Variants in ADAMTS20 observed in about 807,000 individuals in gnomAD.
ADAMTS20 encodes ADAM metallopeptidase with thrombospondin type 1 motif 20.
A neutral mutation model predicts 260.1 loss-of-function variants in ADAMTS20; 225 were observed. The observed-to-expected ratio is 0.87, with a 90% CI of 0.78 to 0.97. The LOEUF is 0.97. Among genes scored for constraint, ADAMTS20 ranks in the 50% least tolerant of loss-of-function variants. The probability of loss-of-function intolerance (pLI) is 0.00; values close to 1 mark genes in which losing one functional copy is unlikely to be tolerated. For synonymous variants in ADAMTS20, 802 were observed against 769.5 expected (o/e 1.04, Z -0.70); for missense variants, 2,400 against 2,337.7 (o/e 1.03, Z -0.55).
At chr12:43,461,780 G>A (rs1240975592) in intron 11 of ADAMTS20, among the ~76,000 whole-genome samples, 2 of 151,720 alleles carry the variant, frequency 1.3e-5, no homozygotes, top group African/African-American at 2.4e-5. Context: ...CACAGGAACC[G>A]AGAAAAAAAT....
intron 28 of ADAMTS20, among the ~76,000 whole-genome samples, chr12:43,424,720 A>T (rs1297076787): frequency 6.6e-6 from 1 of 152,070 alleles, no homozygotes; most frequent in Non-Finnish European, 1.5e-5. Context: ...TATAAACATA[A>T]ATAATATAAT....
At position 43,439,885 on chromosome 12, in the gene ADAMTS20, CTG is replaced by C; in HGVS notation, c.2463+10_2463+11del. The C allele has an allele frequency of 6.2e-7, 1 of 1,600,174 alleles. No homozygotes were observed. The highest frequency in any genetic ancestry group is 8.5e-7 in the Non-Finnish European group (1 of 1,172,536). On this transcript the variant is annotated intron_variant, in intron 17 of 38. Coordinates refer to ENST00000389420, the MANE Select transcript of ADAMTS20 (RefSeq NM_025003.5). ...TAAATCCAAGTGTTATTACTGATGA[CTG>C]AGAATTTACCTGCAAAATAAGTTCT...
chr12:43,437,161 A>T (rs935589342), intron 18 of ADAMTS20, among the ~76,000 whole-genome samples: 2 of 152,214 alleles, frequency 1.3e-5, no homozygotes, highest in Non-Finnish European at 2.9e-5. Flanking sequence ...AAACTTAAAG[A>T]CTATGATTAA....
Position 43,399,155 on chromosome 12 carries a change from T to G in ADAMTS20, c.4363A>C (p.Thr1455Pro). The G allele has an allele frequency of 6.4e-7, 1 of 1,566,282 alleles. No homozygotes were observed. The highest frequency in any genetic ancestry group is 1.2e-5 in the South Asian group (1 of 85,096). The change falls in exon 29 of 39, where the codon ACA (threonine) becomes CCA (proline). Residue 1455 changes from threonine to proline, a missense_variant. Thr to Pro is a conservative substitution (Grantham distance 38). Transcript: ENST00000389420. ...GGTTTCTGTACTTGACTGCAATTTG[T>G]GTCTTCTAATTTCCTTTGGAATTGG... ...IDQFQRKLED[T>P]NCSQVQKPPT... is the part of the protein sequence containing the mutation.
chr12:43,472,360 T>C (rs573835045), intron 7 of ADAMTS20, among the ~76,000 whole-genome samples: 20 of 149,678 alleles, frequency 1.3e-4, no homozygotes, highest in Admixed American at 4.0e-4. Context: ...CTACGTCTGA[T>C]TGGTGTACCT....
chr12:43,490,816 G>A (rs886673730), intron 6 of ADAMTS20, among the ~76,000 whole-genome samples: 18 of 151,956 alleles, frequency 1.2e-4, no homozygotes, highest in African/African-American at 3.9e-4. Context: ...CAGATGTTAC[G>A]AAGTTGATAA....
chr12:43,399,167 T>G lies in ADAMTS20; in HGVS notation c.4351A>C (p.Lys1451Gln), dbSNP rs1433045247. The change falls in exon 29 of 39, where the codon AAA becomes CAA. Residue 1451 changes from lysine (K) to glutamine (Q), a missense_variant. By Grantham distance (53) the Lys-to-Gln change is moderately conservative. Coordinates refer to ENST00000389420, the MANE Select transcript of ADAMTS20 (RefSeq NM_025003.5). ...TGACTGCAATTTGTGTCTTCTAATT[T>G]CCTTTGGAATTGGTCAATGCAAAAC... ...EVFCIDQFQR[K>Q]LEDTNCSQVQ... 13 of 1,574,772 alleles carry G rather than the reference T, an allele frequency of 8.3e-6. No individual in the cohort carries two copies. Among genetic ancestry groups the G allele is most frequent in the Non-Finnish European group, 1.1e-5 (13 of 1,158,360 alleles).
intron 22 of ADAMTS20, 96 bp from the exon 23 acceptor site, chr12:43,430,567 T>C (rs984257821): frequency 1.5e-5 from 17 of 1,146,336 alleles, no homozygotes; most frequent in African/African-American, 4.7e-5. Context: ...AATATACTTT[T>C]AATAATCTTT....
At chr12:43,490,569 C>G (rs542476343) in intron 6 of ADAMTS20, 134 bp from the exon 7 acceptor site, 1 of 466,724 alleles carries the variant, frequency 2.1e-6, no homozygotes, top group Non-Finnish European at 3.8e-6. Flanking sequence ...TCACATTAAC[C>G]TCTCAAAAAG....
rs749484250 is a variant in ADAMTS20 at position 43,439,934 on chromosome 12, T to C, written c.2426A>G (p.Asn809Ser). 1.0e-5 allele frequency: 16 copies of C among 1,606,912 alleles called. No homozygotes were observed. The highest frequency in any genetic ancestry group is 2.2e-5 in the East Asian group (1 of 44,742). ...SGSNNAVERI[N>S]STNRQEKELI... is the part of the protein sequence containing the mutation. The stretch of plus-strand genomic sequence containing the variant: ...TTCTTTCTCTTGTCGATTAGTACTA[T>C]TAATTCTTTCAACTGCGTTATTTGA... Residue 809 changes from asparagine (N) to serine (S), a missense_variant, in exon 17 of 39, where the codon AAT becomes AGT. Coordinates refer to ENST00000389420, the MANE Select transcript of ADAMTS20 (RefSeq NM_025003.5).
At chr12:43,459,301 A>G (rs1025200542) in intron 11 of ADAMTS20, among the ~76,000 whole-genome samples, 3 of 152,128 alleles carry the variant, frequency 2.0e-5, no homozygotes, top group Non-Finnish European at 2.9e-5. Context: ...AAGGCTTGCC[A>G]TTGTTCCTGC....
intron 3 of ADAMTS20, among the ~76,000 whole-genome samples, chr12:43,511,223 G>T (rs552276208): frequency 2.2e-4 from 33 of 152,040 alleles, no homozygotes; most frequent in African/African-American, 7.5e-4. Flanking sequence ...AAATGTTCCC[G>T]CTGTCTTCAA....
chr12:43,498,559 C>T (rs1208903406), intron 4 of ADAMTS20, among the ~76,000 whole-genome samples: 2 of 152,138 alleles, frequency 1.3e-5, no homozygotes, highest in Admixed American at 1.3e-4. Context: ...ACCAATAATC[C>T]ATGTGTATGT....
Position 43,530,994 on chromosome 12 carries a change from A to G in ADAMTS20, c.613+1042T>C, listed in dbSNP as rs188506340. 1.8e-4 allele frequency among the ~76,000 whole-genome samples: 27 copies of G among 152,060 alleles called. No individual in the cohort carries two copies. In the East Asian group the frequency reaches 5.2e-3, roughly 29 times the overall value. ...TCTAGTATCTAGGTATATATCCTGGAGAAACTCTCAAAAACAGGAGATGGG... is the reference window on the plus strand; with the variant it reads ...TCTAGTATCTAGGTATATATCCTGGGGAAACTCTCAAAAACAGGAGATGGG... On this transcript the variant is annotated intron_variant, in intron 3 of 38. Coordinates refer to ENST00000389420, the MANE Select transcript of ADAMTS20 (RefSeq NM_025003.5).
intron 37 of ADAMTS20, among the ~76,000 whole-genome samples, chr12:43,357,031 A>G (rs1439671771): frequency 6.6e-6 from 1 of 152,192 alleles, no homozygotes; most frequent in African/African-American, 2.4e-5. Context: ...CAGCGTGCAG[A>G]TGTGTGATGC....
chr12:43,521,392 C>T (rs962179884), intron 3 of ADAMTS20, among the ~76,000 whole-genome samples: 8 of 152,016 alleles, frequency 5.3e-5, no homozygotes, highest in Admixed American at 3.3e-4. Context: ...CTCATGTATT[C>T]GCAAAAATAT....
chr12:43,505,589 A>T (rs2137453849), intron 3 of ADAMTS20, among the ~76,000 whole-genome samples: 1 of 152,324 alleles, frequency 6.6e-6, no homozygotes, highest in African/African-American at 2.4e-5. Context: ...ATATCACTTC[A>T]CACCCATAAG....
At chr12:43,453,560 TAAGTGA>T (rs1941908907) in intron 12 of ADAMTS20, among the ~76,000 whole-genome samples, 1 of 152,068 alleles carries the variant, frequency 6.6e-6, no homozygotes, top group South Asian at 2.1e-4. Context: ...ATCCGAAACA[TAAGTGA>T]AAGTAGCCAG....
At chr12:43,467,916 A>T (rs1324494158) in intron 8 of ADAMTS20, among the ~76,000 whole-genome samples, 1 of 152,144 alleles carries the variant, frequency 6.6e-6, no homozygotes, top group Non-Finnish European at 1.5e-5. Flanking sequence ...ATTAGCAGAT[A>T]ACAAAGAAAC....
Sources: allele counts gnomAD v4.1 joint callset (sites outside exome capture counted in the v4.1 genomes callset), GRCh38; gene constraint gnomAD v4.1.1; transcripts MANE v1.5; gene names NCBI Gene and HGNC (gene_info 2026-07-23, HGNC 2026-07-21).